TGIF1: variants seen among roughly 807,000 people sequenced by gnomAD.
TGIF1 encodes the protein TGFB induced factor homeobox 1, also known as homeobox protein TGIF1.
A neutral mutation model predicts 19.3 loss-of-function variants in TGIF1; 4 were observed. The ratio of observed to expected loss-of-function variants is 0.21; its 90% CI spans 0.10 to 0.47. The LOEUF is 0.47. Ranked by LOEUF, TGIF1 falls within the 20% of genes least tolerant of loss-of-function variation. The probability of loss-of-function intolerance (pLI) is 0.98; values close to 1 mark genes in which losing one functional copy is unlikely to be tolerated. For missense variants in TGIF1, 275 were observed against 341.4 expected (o/e 0.81, Z 1.53); for synonymous variants, 122 against 129.3 (o/e 0.94, Z 0.38).
chr18:3,429,592 A>G (rs2082520849), intron 2 of TGIF1, among the ~76,000 whole-genome samples: 1 of 152,228 alleles, frequency 6.6e-6, no homozygotes, highest in African/African-American at 2.4e-5. Context: ...AAATGAAGTA[A>G]CTTCTTTTAT....
In TGIF1 at chr18:3,451,944, C is replaced by T. The variant is rs932873244; in HGVS notation, c.16+1439C>T. 10 of 1,548,932 alleles carry T rather than the reference C, an allele frequency of 6.5e-6. No homozygotes were observed. The East Asian group carries it at 2.0e-4, about 31-fold the overall frequency. On this transcript the variant is annotated intron_variant, in intron 1 of 2. Transcript: ENST00000343820. This position sits in a 1 kb window ranked among gnomAD's most constrained non-coding sequence, Gnocchi z 5.4. ...ACACGCGCTGTCTGTTGTGGTGGGC[C>T]TCCCGGGAATAAGTGAGGGGCTCTG...
Position 3,456,991 on chromosome 18 carries a change from C to A in TGIF1, c.244-374C>A. ...GGCCCTTTTCATAAGGAGAGGTTTTCCTGTAGTTGATTAACTTAAATGTTG... is the reference window on the plus strand; with the variant it reads ...GGCCCTTTTCATAAGGAGAGGTTTTACTGTAGTTGATTAACTTAAATGTTG... On this transcript the variant is annotated intron_variant, in intron 2 of 2. Transcript: ENST00000343820. This position sits in a 1 kb window ranked among gnomAD's most constrained non-coding sequence, Gnocchi z 4.2. 1.8e-6 allele frequency: 1 copy of A among 559,334 alleles called. No individual in the cohort carries two copies. Among genetic ancestry groups the A allele is most frequent in the Non-Finnish European group, 3.1e-6 (1 of 318,226 alleles). The allele number at this position is 559,334 out of a possible 1,614,324, so 34.6% of individuals were successfully genotyped here.
chr18:3,447,430 T>C (rs2082762949), upstream of TGIF1, among the ~76,000 whole-genome samples: 2 of 151,084 alleles, frequency 1.3e-5, no homozygotes, highest in South Asian at 2.1e-4. Flanking sequence ...CTGACAGAGC[T>C]AGAAATGAAA....
chr18:3,457,858 A>G lies in TGIF1; in HGVS notation c.737A>G (p.Asp246Gly). 3 of 1,608,350 alleles carry G rather than the reference A, an allele frequency of 1.9e-6. No individual in the cohort carries two copies. Among genetic ancestry groups the G allele is most frequent in the Non-Finnish European group, 8.5e-7 (1 of 1,179,986 alleles). The change falls in exon 3 of 3, where the codon GAC becomes GGC. Residue 246 changes from aspartate to glycine, a missense_variant. Asp to Gly is a moderately conservative substitution (Grantham distance 94). Coordinates refer to ENST00000343820, the MANE Select transcript of TGIF1 (RefSeq NM_003244.4). This position sits in a 1 kb window ranked among gnomAD's most constrained non-coding sequence, Gnocchi z 4.9. ...PPPTPPDLNQ[D>G]FSGFQLLVDV... ...CCTACTCCACCGGACCTCAACCAGG[A>G]CTTCAGTGGATTTCAGCTTCTAGTG... is the stretch of plus-strand genomic sequence containing the variant.
At chr18:3,420,750 G>C (rs747554798) in intron 2 of TGIF1, among the ~76,000 whole-genome samples, 3 of 152,224 alleles carry the variant, frequency 2.0e-5, no homozygotes. Flanking sequence ...TTGGAAGACA[G>C]TTCACATGTC....
At chr18:3,418,500 C>A (rs1336610297) in intron 2 of TGIF1, 1 of 152,214 alleles carries the variant, frequency 6.6e-6, no homozygotes. Context: ...TTGTAATCAT[C>A]TTTAGATTAC....
chr18:3,427,533 C>T (rs564308971), intron 2 of TGIF1, among the ~76,000 whole-genome samples: 13 of 151,654 alleles, frequency 8.6e-5, no homozygotes, highest in East Asian at 5.8e-4. Context: ...TCAAGTGATC[C>T]GCCTGCCTCA....
intron 1 of TGIF1, among the ~76,000 whole-genome samples, chr18:3,452,784 A>T (rs1164186502): frequency 6.6e-6 from 1 of 152,200 alleles, no homozygotes; most frequent in Non-Finnish European, 1.5e-5. Flanking sequence ...GTCTTGTCTT[A>T]TAAAAGTCTG....
intron 2 of TGIF1, among the ~76,000 whole-genome samples, chr18:3,439,205 G>T (rs1404911819): frequency 1.3e-5 from 2 of 151,892 alleles, no homozygotes; most frequent in African/African-American, 4.8e-5. Flanking sequence ...CTGGGTGATG[G>T]TTCTTTGGGG....
chr18:3,450,693 C>T (rs2082883752), intron 1 of TGIF1, among the ~76,000 whole-genome samples, 188 bp downstream of exon 1: 1 of 152,200 alleles, frequency 6.6e-6, no homozygotes, highest in South Asian at 2.1e-4. Context: ...AGACACAACA[C>T]GAGGGGCTGT....
At chr18:3,453,807 G>A in intron 1 of TGIF1, 1 of 985,072 alleles carries the variant, frequency 1.0e-6, no homozygotes, top group Non-Finnish European at 1.2e-6. Context: ...TAGCGTGAAA[G>A]AAGCTTGTGA....
chr18:3,414,849 G>C (rs2082310935), intron 1 of TGIF1, among the ~76,000 whole-genome samples: 1 of 152,094 alleles, frequency 6.6e-6, no homozygotes, highest in African/African-American at 2.4e-5. Context: ...TTCAAGGCCA[G>C]CCTGGGAAAA....
At chr18:3,426,778 A>G (rs1210198625) in intron 2 of TGIF1, among the ~76,000 whole-genome samples, 1 of 152,230 alleles carries the variant, frequency 6.6e-6, no homozygotes, top group Admixed American at 6.5e-5. Flanking sequence ...TAATATGAAA[A>G]TACATGTGAA....
chr18:3,451,410 G>A lies in TGIF1; in HGVS notation c.16+905G>A. ...AAGGTCAGAGTGTGAAGTCCCTTTT[G>A]AAGTTAACAAAAATTGAGTCCCTGG... is the stretch of plus-strand genomic sequence containing the variant. On this transcript the variant is annotated intron_variant, in intron 1 of 2. Coordinates refer to ENST00000343820, the MANE Select transcript of TGIF1 (RefSeq NM_003244.4). This position sits in a 1 kb window ranked among gnomAD's most constrained non-coding sequence, Gnocchi z 5.4. 2.0e-6 allele frequency: 2 copies of A among 985,440 alleles called. No individual in the cohort carries two copies. Among genetic ancestry groups the A allele is most frequent in the Non-Finnish European group, 2.4e-6 (2 of 829,932 alleles). The allele number at this position is 985,440 out of a possible 1,614,324, so 61.0% of individuals were successfully genotyped here.
intron 1 of TGIF1, chr18:3,412,348 G>A (rs1032734842): frequency 5.3e-5 from 8 of 152,002 alleles, no homozygotes; most frequent in Non-Finnish European, 1.2e-4. Context: ...TACTCAACCA[G>A]GTAAAGATTT....
Position 3,456,876 on chromosome 18 carries a change from T to G in TGIF1, c.243+296T>G. 1 of 603,470 alleles carries G rather than the reference T, an allele frequency of 1.7e-6. No homozygotes were observed. Among genetic ancestry groups the G allele is most frequent in the Non-Finnish European group, 2.9e-6 (1 of 341,718 alleles). 37.4% of individuals were successfully genotyped at this position (603,470 alleles called of 1,614,324 possible). ...TATTGTCCAGGAAACTGGTTTGATA[T>G]TTAAACAAGGACGACTTCAGTGAGG... On this transcript the variant is annotated intron_variant, in intron 2 of 2. Coordinates refer to ENST00000343820, the MANE Select transcript of TGIF1 (RefSeq NM_003244.4). This position sits in a 1 kb window ranked among gnomAD's most constrained non-coding sequence, Gnocchi z 4.2.
intron 2 of TGIF1, among the ~76,000 whole-genome samples, chr18:3,424,353 A>G (rs2082442735): frequency 6.6e-6 from 1 of 152,170 alleles, no homozygotes; most frequent in South Asian, 2.1e-4. Context: ...AAAGGATCAC[A>G]TGCAGTCAAG....
upstream of TGIF1, chr18:3,448,621 CT>C (rs890122220): frequency 4.1e-6 from 4 of 985,038 alleles, no homozygotes; most frequent in African/African-American, 5.3e-5. Flanking sequence ...TAGAGAGACG[CT>C]TTTTTTCCCT....
chr18:3,457,983 C>G lies in TGIF1; in HGVS notation c.*43C>G. On this transcript the variant is annotated 3_prime_UTR_variant, in exon 3 of 3. Transcript: ENST00000343820. The surrounding 1 kb of genome is among the most constrained non-coding windows in gnomAD (Gnocchi z 4.9). Reference sequence around the variant, plus strand: ...CAGTTCTCAGAAATGTCATGATTGCCGGGGTGAAGGCAAGAGATGAATTGC... The same window carrying G: ...CAGTTCTCAGAAATGTCATGATTGCGGGGGTGAAGGCAAGAGATGAATTGC... The G allele has an allele frequency of 6.4e-7, 1 of 1,563,208 alleles. No homozygotes were observed. Among genetic ancestry groups the G allele is most frequent in the Non-Finnish European group, 8.7e-7 (1 of 1,147,010 alleles).
Sources: gnomAD v4.1 joint callset for allele counts (sites outside exome capture counted in the v4.1 genomes callset) on GRCh38, gnomAD v4.1.1 for gene constraint, Gnocchi (gnomAD v3.1) non-coding constraint, MANE v1.5 for transcripts, NCBI Gene and HGNC (gene_info 2026-07-23, HGNC 2026-07-21) for gene names.